Variants in TFDP2 observed in about 807,000 individuals in gnomAD.
TFDP2 encodes transcription factor Dp-2.
A neutral mutation model predicts 59.3 loss-of-function variants in TFDP2; 17 were observed. That is an observed-to-expected ratio of 0.29 (90% CI 0.20 to 0.43). TFDP2 has a LOEUF of 0.43. Among genes scored for constraint, TFDP2 ranks in the 20% least tolerant of loss-of-function variants. The pLI is 1.00. For synonymous variants in TFDP2, 180 were observed against 194.7 expected (o/e 0.92, Z 0.63); for missense variants, 391 against 528.8 (o/e 0.74, Z 2.56).
intron 3 of TFDP2, among the ~76,000 whole-genome samples, chr3:142,091,575 A>T (rs907373654): frequency 3.4e-4 from 52 of 151,910 alleles, no homozygotes; most frequent in African/African-American, 1.0e-3. Context: ...CCAAAAAAAA[A>T]ATAAATAAAA....
chr3:142,073,618 A>G (rs1164118457), intron 3 of TFDP2, among the ~76,000 whole-genome samples: 2 of 152,148 alleles, frequency 1.3e-5, no homozygotes, highest in African/African-American at 4.8e-5. Context: ...GTCTGATTAT[A>G]AGAGGAAGAA....
At chr3:141,959,549 G>A in intron 11 of TFDP2, 125 bp downstream of exon 11, 1 of 1,007,258 alleles carries the variant, frequency 9.9e-7, no homozygotes, top group Non-Finnish European at 1.5e-6. Context: ...AAGTGTTAAA[G>A]GTTTCAGTTT....
chr3:142,115,473 T>G lies in TFDP2; in HGVS notation c.-92-13632A>C, dbSNP rs1446420347. The stretch of plus-strand genomic sequence containing the variant: ...AGCTGGGACTACAGGCGCCCACGAC[T>G]GCACCTGGCTAATTTTTTGTATTTT... On this transcript the variant is annotated intron_variant, in intron 1 of 12. Coordinates refer to ENST00000489671, the MANE Select transcript of TFDP2 (RefSeq NM_001178139.2). 4.6e-5 allele frequency among the ~76,000 whole-genome samples: 7 copies of G among 152,208 alleles called. 1 individual carries two copies. In the South Asian group the frequency reaches 1.5e-3, roughly 32 times the overall value.
chr3:142,022,173 A>G (rs1010552090), intron 3 of TFDP2, among the ~76,000 whole-genome samples: 1 of 152,188 alleles, frequency 6.6e-6, no homozygotes, highest in Non-Finnish European at 1.5e-5. Flanking sequence ...GAGTGATCAC[A>G]AGATTCACTA....
chr3:142,137,707 C>A (rs1256974111), intron 1 of TFDP2, among the ~76,000 whole-genome samples: 21 of 152,122 alleles, frequency 1.4e-4, no homozygotes, highest in Admixed American at 1.3e-3. Flanking sequence ...GTTGAACCAG[C>A]CTTGCATCCT....
chr3:142,020,518 G>C (rs548673702), intron 3 of TFDP2, among the ~76,000 whole-genome samples: 7 of 151,040 alleles, frequency 4.6e-5, no homozygotes, highest in African/African-American at 1.7e-4. Flanking sequence ...CTGGGCAACA[G>C]AGCAAGACTC....
intron 3 of TFDP2, among the ~76,000 whole-genome samples, chr3:142,017,938 T>TTTTATTTATTTA (rs374321449): frequency 6.6e-6 from 1 of 151,294 alleles, no homozygotes; most frequent in East Asian, 2.0e-4. Flanking sequence ...TGCCTCAATA[T>TTTTATTTATTTA]TTTATTTATT....
chr3:142,087,832 A>C (rs1030149423), intron 3 of TFDP2, among the ~76,000 whole-genome samples: 4 of 152,184 alleles, frequency 2.6e-5, no homozygotes, highest in African/African-American at 9.7e-5. Flanking sequence ...TGATTCATTA[A>C]GTCGCAGTCT....
intron 3 of TFDP2, among the ~76,000 whole-genome samples, chr3:142,078,761 C>A (rs1178800301): frequency 6.6e-6 from 1 of 152,048 alleles, no homozygotes; most frequent in East Asian, 1.9e-4. Context: ...TCCACAAGCA[C>A]CAAGACCATC....
At chr3:142,054,583 G>A (rs537019464) in intron 3 of TFDP2, among the ~76,000 whole-genome samples, 6 of 152,036 alleles carry the variant, frequency 3.9e-5, no homozygotes, top group Admixed American at 1.3e-4. Context: ...TTAACACCTC[G>A]TGTTTGTATA....
At chr3:141,987,265 TTGTGTGTGTGTGTG>T (rs56988461) in intron 6 of TFDP2, among the ~76,000 whole-genome samples, 2 of 132,814 alleles carry the variant, frequency 1.5e-5, no homozygotes, top group Admixed American at 1.5e-4. Context: ...GCTGTCAGAT[TTGTGTGTGTGTGTG>T]TGTGTGTGTG....
intron 6 of TFDP2, among the ~76,000 whole-genome samples, chr3:141,984,277 G>A (rs1025730504): frequency 3.9e-5 from 6 of 152,174 alleles, no homozygotes; most frequent in Middle Eastern, 3.4e-3. Flanking sequence ...CGAGGTAGGC[G>A]GATCATGAGG....
intron 1 of TFDP2, among the ~76,000 whole-genome samples, chr3:142,148,453 G>C (rs975749219): frequency 2.0e-5 from 3 of 152,150 alleles, no homozygotes; most frequent in African/African-American, 7.2e-5. Flanking sequence ...AATACGTGGA[G>C]GATTTTCTTA....
At chr3:141,982,559 G>A (rs1941607295) in intron 6 of TFDP2, among the ~76,000 whole-genome samples, 1 of 152,074 alleles carries the variant, frequency 6.6e-6, no homozygotes. Context: ...GTGAAGCAGG[G>A]TTGTTTTTCA....
intron 3 of TFDP2, among the ~76,000 whole-genome samples, chr3:142,087,175 A>G (rs2060829631): frequency 6.6e-6 from 1 of 152,212 alleles, no homozygotes; most frequent in Non-Finnish European, 1.5e-5. Flanking sequence ...AGAGAGTAGG[A>G]GCAGAGACTA....
chr3:142,012,539 T>C (rs534880517), intron 3 of TFDP2, among the ~76,000 whole-genome samples: 1 of 152,252 alleles, frequency 6.6e-6, no homozygotes. Flanking sequence ...CTACAAACAA[T>C]TTAAGTGTTT....
intron 2 of TFDP2, among the ~76,000 whole-genome samples, chr3:142,095,270 G>A (rs896665067): frequency 1.6e-4 from 25 of 152,114 alleles, no homozygotes; most frequent in Admixed American, 6.5e-4. Context: ...GATTACAGGC[G>A]TGAGCCACCA....
intron 3 of TFDP2, among the ~76,000 whole-genome samples, chr3:142,027,391 A>C (rs1233815042): frequency 6.6e-6 from 1 of 152,156 alleles, no homozygotes; most frequent in East Asian, 1.9e-4. Context: ...TGAATGAAAC[A>C]ACCTCAATTG....
chr3:142,097,774 G>C (rs968339597), intron 2 of TFDP2, among the ~76,000 whole-genome samples: 2 of 152,166 alleles, frequency 1.3e-5, no homozygotes, highest in Non-Finnish European at 2.9e-5. Flanking sequence ...TTAAATAGTA[G>C]CCAGGCACGG....
Sources: allele counts gnomAD v4.1 joint callset (sites outside exome capture counted in the v4.1 genomes callset), GRCh38; gene constraint gnomAD v4.1.1; transcripts MANE v1.5; gene names NCBI Gene and HGNC (gene_info 2026-07-23, HGNC 2026-07-21).